Variants in MCU observed in about 807,000 individuals in gnomAD.
MCU encodes the protein calcium uniporter protein, mitochondrial.
In MCU, 12 loss-of-function variants were observed where a neutral mutation model predicts 45.2. The observed-to-expected ratio is 0.27, with a 90% CI of 0.17 to 0.43. The LOEUF (loss-of-function observed/expected upper bound fraction) is 0.43, where lower values mean the gene tolerates loss of function less well. MCU is among the 20% of genes least tolerant of loss of function. The probability of loss-of-function intolerance (pLI) is 1.00; values close to 1 mark genes in which losing one functional copy is unlikely to be tolerated. For synonymous variants in MCU, 160 were observed against 165.1 expected (o/e 0.97, Z 0.24); for missense variants, 324 against 436.7 (o/e 0.74, Z 2.30).
Position 72,852,272 on chromosome 10 carries a change from A to G in MCU, c.221-6905A>G, listed in dbSNP as rs1193739557. Among the ~76,000 whole-genome samples, 12 of 152,252 alleles carry G rather than the reference A, an allele frequency of 7.9e-5. No individual in the cohort carries two copies. The South Asian group carries it at 2.1e-3, about 26-fold the overall frequency. ...AAGGAATATAACAAATTTTAAAAAT[A>G]TCTTTAGGTATTGCAGACTTTAGAT... On this transcript the variant is annotated intron_variant, in intron 2 of 7. Coordinates refer to ENST00000373053, the MANE Select transcript of MCU (RefSeq NM_138357.3).
chr10:72,856,795 T>C (rs1453447711), intron 2 of MCU, among the ~76,000 whole-genome samples: 1 of 62,926 alleles, frequency 1.6e-5, no homozygotes, highest in African/African-American at 7.1e-5. Flanking sequence ...AAAAAAAAAA[T>C]AGCCTGGCAT....
intron 1 of MCU, among the ~76,000 whole-genome samples, chr10:72,739,325 A>AT (rs1201632122): frequency 3.3e-5 from 5 of 152,256 alleles, no homozygotes; most frequent in Admixed American, 6.5e-5. Flanking sequence ...ATTTGGAATT[A>AT]TTTTTAGCAC....
chr10:72,785,428 TAATAGA>T (rs1844057689), intron 1 of MCU, among the ~76,000 whole-genome samples: 1 of 152,204 alleles, frequency 6.6e-6, no homozygotes, highest in South Asian at 2.1e-4. Flanking sequence ...AAAATGTGCA[TAATAGA>T]AATATATCCT....
intron 1 of MCU, among the ~76,000 whole-genome samples, chr10:72,782,886 G>C (rs1214113445): frequency 6.6e-6 from 1 of 152,194 alleles, no homozygotes; most frequent in Non-Finnish European, 1.5e-5. Flanking sequence ...CCAACATCCT[G>C]CAGAAGGAGT....
At chr10:72,834,250 G>A (rs1844922143) in intron 1 of MCU, 109 bp from the exon 2 acceptor site, 4 of 621,644 alleles carry the variant, frequency 6.4e-6, no homozygotes, top group Non-Finnish European at 1.0e-5. Flanking sequence ...TTTCTACAAA[G>A]CATGCATATT....
chr10:72,702,866 C>G (rs774662876), intron 1 of MCU, among the ~76,000 whole-genome samples: 1 of 152,002 alleles, frequency 6.6e-6, no homozygotes, highest in Non-Finnish European at 1.5e-5. Flanking sequence ...GTAATCCCAG[C>G]TACTCAGGAG....
intron 1 of MCU, among the ~76,000 whole-genome samples, chr10:72,704,554 C>G (rs1358385687): frequency 1.3e-5 from 2 of 151,186 alleles, no homozygotes; most frequent in African/African-American, 4.9e-5. Context: ...TAAAACTTTC[C>G]TAGAGACAAG....
chr10:72,866,293 A>T (rs949583450), intron 4 of MCU, among the ~76,000 whole-genome samples: 2 of 152,136 alleles, frequency 1.3e-5, no homozygotes, highest in African/African-American at 4.8e-5. Flanking sequence ...TTGAATAAGC[A>T]TGTTCCATTC....
At chr10:72,699,513 A>AG (rs201225326) in intron 1 of MCU, among the ~76,000 whole-genome samples, 1 of 151,938 alleles carries the variant, frequency 6.6e-6, no homozygotes, top group East Asian at 1.9e-4. Flanking sequence ...TCCCGGAAAA[A>AG]GGGAAAAAAA....
intron 1 of MCU, among the ~76,000 whole-genome samples, chr10:72,832,584 G>C (rs1844894065): frequency 6.6e-6 from 1 of 152,104 alleles, no homozygotes; most frequent in Non-Finnish European, 1.5e-5. Flanking sequence ...GACTTAAATG[G>C]AAAGACTTAA....
chr10:72,715,854 G>A (rs976896796), intron 1 of MCU: 1 of 985,318 alleles, frequency 1.0e-6, no homozygotes, highest in Non-Finnish European at 1.2e-6. Context: ...TCTGTCTTAG[G>A]TATTGGTGAT....
intron 1 of MCU, among the ~76,000 whole-genome samples, chr10:72,828,168 G>A (rs1284712154): frequency 1.3e-5 from 2 of 152,232 alleles, no homozygotes; most frequent in East Asian, 1.9e-4. Flanking sequence ...GAAATTTTTG[G>A]AACATTATTG....
At chr10:72,714,973 T>C (rs999551434) in intron 1 of MCU, 4 of 155,204 alleles carry the variant, frequency 2.6e-5, no homozygotes, top group African/African-American at 9.6e-5. Flanking sequence ...CTGTGATAAC[T>C]AGTGGCTAAG....
chr10:72,779,902 T>C, intron 1 of MCU, among the ~76,000 whole-genome samples: 1 of 152,278 alleles, frequency 6.6e-6, no homozygotes, highest in East Asian at 1.9e-4. Flanking sequence ...GTATTTCCCA[T>C]AGAACCTAGC....
At chr10:72,749,525 A>T (rs892637703) in intron 1 of MCU, among the ~76,000 whole-genome samples, 1 of 152,110 alleles carries the variant, frequency 6.6e-6, no homozygotes, top group African/African-American at 2.4e-5. Context: ...TTTTTGGCCT[A>T]TTATAGGGAC....
intron 1 of MCU, among the ~76,000 whole-genome samples, chr10:72,768,075 G>A (rs1304471972): frequency 6.6e-6 from 1 of 151,536 alleles, no homozygotes; most frequent in Non-Finnish European, 1.5e-5. Flanking sequence ...AAAGGCTCAT[G>A]AAACAACGAG....
chr10:72,702,733 T>A (rs1468429373), intron 1 of MCU, among the ~76,000 whole-genome samples: 1 of 152,104 alleles, frequency 6.6e-6, no homozygotes, highest in Non-Finnish European at 1.5e-5. Flanking sequence ...TCCCAACGCT[T>A]TGGGAGGCTG....
rs751189313 is a variant in MCU, at chr10:72,741,945, G to C, written c.150+49644G>C. Among the ~76,000 whole-genome samples, 3 of 149,610 alleles carry C rather than the reference G, an allele frequency of 2.0e-5. No homozygotes were observed. In the East Asian group the frequency reaches 6.1e-4, roughly 31 times the overall value. The stretch of plus-strand genomic sequence containing the variant: ...GGGGAGGCTGAGGCAGGAGAATGGC[G>C]TGAACCCGGGAGGCGGAGCTTGTAG... On this transcript the variant is annotated intron_variant, in intron 1 of 7. Transcript: ENST00000373053.
chr10:72,824,126 C>G (rs966884205), intron 1 of MCU, among the ~76,000 whole-genome samples: 1 of 151,762 alleles, frequency 6.6e-6, no homozygotes, highest in South Asian at 2.1e-4. Context: ...GTTGTTCTTA[C>G]GGTATTCCTA....
Sources: allele counts gnomAD v4.1 joint callset (sites outside exome capture counted in the v4.1 genomes callset), GRCh38; gene constraint gnomAD v4.1.1; transcripts MANE v1.5; gene names NCBI Gene and HGNC (gene_info 2026-07-23, HGNC 2026-07-21).